Variants in CAPN1 observed in about 807,000 individuals in gnomAD.
The protein encoded by CAPN1 is calpain 1.
Under a neutral mutation model 105.2 loss-of-function variants are expected in CAPN1, and 77 were observed. That is an observed-to-expected ratio of 0.73 (90% confidence interval 0.61 to 0.88). The LOEUF is 0.88. Ranked by LOEUF, CAPN1 falls within the 40% of genes least tolerant of loss-of-function variation. The probability of loss-of-function intolerance (pLI) is 0.00; values close to 1 mark genes in which losing one functional copy is unlikely to be tolerated. For synonymous variants in CAPN1, 355 were observed against 388.8 expected (o/e 0.91, Z 1.02); for missense variants, 833 against 976.6 (o/e 0.85, Z 1.96).
Position 65,209,474 on chromosome 11 carries a change from A to G in CAPN1, c.1794+87A>G. ...AGAACTGTCCCAGGACAGCACAGAG[A>G]ACAGGACAGAGCCATGCGGAGTGTG... is the stretch of plus-strand genomic sequence containing the variant. On this transcript the variant is annotated intron_variant, in intron 17 of 21. Coordinates refer to ENST00000279247, the MANE Select transcript of CAPN1 (RefSeq NM_005186.4). The surrounding 1 kb of genome is among the most constrained non-coding windows in gnomAD (Gnocchi z 4.1). The G allele has an allele frequency of 1.8e-6, 2 of 1,136,104 alleles. No homozygotes were observed. Among genetic ancestry groups the G allele is most frequent in the Non-Finnish European group, 2.6e-6 (2 of 762,200 alleles). The allele number at this position is 1,136,104 out of a possible 1,614,324, so 70.4% of individuals were successfully genotyped here.
chr11:65,207,554 CAT>C (rs1273984801), intron 14 of CAPN1, among the ~76,000 whole-genome samples: 3 of 152,122 alleles, frequency 2.0e-5, no homozygotes, highest in Admixed American at 2.0e-4. Flanking sequence ...ATTTAGGTCA[CAT>C]GAGTGCTGGA....
chr11:65,204,756 C>T lies in CAPN1; in HGVS notation c.1239C>T (p.Arg413=), dbSNP rs374080680. ...ETDDPDDYGD[R]ESGCSFVLAL... is the part of the protein sequence containing the mutation. The stretch of plus-strand genomic sequence containing the variant: ...ATGACCCGGACGACTACGGGGACCG[C>T]GAGTCAGGCTGCAGCTTCGTGCTCG... Residue 413 remains arginine, a synonymous_variant, in exon 11 of 22, where the codon CGC becomes CGT. Transcript: ENST00000279247. 7 of 1,613,034 alleles carry T rather than the reference C, an allele frequency of 4.3e-6. No homozygotes were observed. Among genetic ancestry groups the T allele is most frequent in the Non-Finnish European group, 5.9e-6 (7 of 1,179,862 alleles).
intron 10 of CAPN1, among the ~76,000 whole-genome samples, chr11:65,192,697 G>A (rs923839604): frequency 2.2e-4 from 33 of 150,708 alleles, no homozygotes; most frequent in African/African-American, 7.6e-4. Context: ...CTGCAACCTC[G>A]AACTCCTGAG....
intron 10 of CAPN1, among the ~76,000 whole-genome samples, chr11:65,190,051 C>T (rs567809642): frequency 1.3e-5 from 2 of 152,188 alleles, no homozygotes; most frequent in Admixed American, 6.5e-5. Flanking sequence ...GGGACCCCCA[C>T]GTCTGCTCCA....
chr11:65,203,225 C>G (rs1948898406), intron 10 of CAPN1: 1 of 150,920 alleles, frequency 6.6e-6, no homozygotes, highest in Non-Finnish European at 1.5e-5. Flanking sequence ...GAATCTTGCT[C>G]TCTTGCCCAG....
At chr11:65,195,100 G>GGTTTTTTTTTTTTTTTTTTTTTTTTTTT (rs1565403828) in intron 10 of CAPN1, among the ~76,000 whole-genome samples, 3 of 90,906 alleles carry the variant, frequency 3.3e-5, no homozygotes, top group Admixed American at 1.4e-4. Context: ...GTTTTTTGGG[G>GGTTTTTTTTTTTTTTTTTTTTTTTTTTT]TTTTTTTTTT....
intron 10 of CAPN1, among the ~76,000 whole-genome samples, chr11:65,199,456 G>A (rs1011063170): frequency 6.6e-5 from 10 of 152,070 alleles, no homozygotes; most frequent in African/African-American, 2.4e-4. Flanking sequence ...GAACTTCCTG[G>A]CTATGAATTG....
rs183230953 is a variant in CAPN1 at position 65,202,032 on chromosome 11, C to T, written c.1166-2651C>T. On this transcript the variant is annotated intron_variant, in intron 10 of 21. Coordinates refer to ENST00000279247, the MANE Select transcript of CAPN1 (RefSeq NM_005186.4). ...TAGAGAATGGGTTTTACCATGTTGG[C>T]CAGGCTGGTCTCAAACTCCTGACCT... Among the ~76,000 whole-genome samples, 324 of 151,380 alleles carry T rather than the reference C, an allele frequency of 2.1e-3. 1 individual carries two copies. Among genetic ancestry groups the T allele is most frequent in the African/African-American group, 7.0e-3 (288 of 41,182 alleles).
Position 65,209,278 on chromosome 11 carries a change from A to G in CAPN1, c.1730-45A>G. 2 of 1,541,902 alleles carry G rather than the reference A, an allele frequency of 1.3e-6. No homozygotes were observed. The highest frequency in any genetic ancestry group is 1.8e-6 in the Non-Finnish European group (2 of 1,120,226). Reference sequence around the variant, plus strand: ...CAGTGCTCCCAGCAGGGGCAGGTGCAGGAAGCTCACTAGGTGGAGATGTTG... The same window carrying G: ...CAGTGCTCCCAGCAGGGGCAGGTGCGGGAAGCTCACTAGGTGGAGATGTTG... On this transcript the variant is annotated intron_variant, in intron 16 of 21. Transcript: ENST00000279247. The surrounding 1 kb of genome is among the most constrained non-coding windows in gnomAD (Gnocchi z 4.1).
rs568764806 is a variant in CAPN1 at position 65,211,272 on chromosome 11, A to T, written c.2131A>T (p.Thr711Ser). ...TGTTCTCCCGCAGTGGTTGCAGCTG[A>T]CCATGTTTGCATGAGGCAGGGACTC... The part of the protein sequence containing the change: ...TFDLFKWLQL[T>S]MFA The change falls in exon 22 of 22, where the codon ACC (threonine) becomes TCC (serine). Residue 711 changes from threonine (T) to serine (S), a missense_variant. Thr to Ser is a moderately conservative substitution (Grantham distance 58). Transcript: ENST00000279247. The T allele has an allele frequency of 6.2e-7, 1 of 1,612,726 alleles. No homozygotes were observed. Among genetic ancestry groups the T allele is most frequent in the East Asian group, 2.2e-5 (1 of 44,880 alleles).
rs1219190929 is a variant in CAPN1 at position 65,209,801 on chromosome 11, C to G, written c.1795-48C>G. On this transcript the variant is annotated intron_variant, in intron 17 of 21. Coordinates refer to ENST00000279247, the MANE Select transcript of CAPN1 (RefSeq NM_005186.4). The surrounding 1 kb of genome is among the most constrained non-coding windows in gnomAD (Gnocchi z 4.1). ...CCCCTTCTGCACAGTTGCCCACTCT[C>G]CCATGACTGGTCTAAGTGATGGAAT... 1 of 1,584,918 alleles carries G rather than the reference C, an allele frequency of 6.3e-7. No individual in the cohort carries two copies. Among genetic ancestry groups the G allele is most frequent in the South Asian group, 1.1e-5 (1 of 89,112 alleles).
chr11:65,184,344 C>T (rs1158150017), intron 4 of CAPN1, among the ~76,000 whole-genome samples: 1 of 152,182 alleles, frequency 6.6e-6, no homozygotes, highest in Non-Finnish European at 1.5e-5. Flanking sequence ...CCCACCTGCT[C>T]CAGTCTGCAG....
At chr11:65,190,906 T>C (rs1948711366) in intron 10 of CAPN1, among the ~76,000 whole-genome samples, 1 of 152,016 alleles carries the variant, frequency 6.6e-6, no homozygotes, top group Admixed American at 6.6e-5. Flanking sequence ...AGAGACGGGG[T>C]TTCACCATGT....
Position 65,188,781 on chromosome 11 carries a change from C to G in CAPN1, c.1165+35C>G. On this transcript the variant is annotated intron_variant, in intron 10 of 21. Transcript: ENST00000279247. This position sits in a 1 kb window ranked among gnomAD's most constrained non-coding sequence, Gnocchi z 5.5. The stretch of plus-strand genomic sequence containing the variant: ...GGCGGGCTCTGGGTCTTGCTGCTTC[C>G]TGGCTTAGGGGCTCCAGAAGGCACG... The G allele has an allele frequency of 6.5e-7, 1 of 1,536,670 alleles. No individual in the cohort carries two copies. The highest frequency in any genetic ancestry group is 1.2e-5 in the South Asian group (1 of 83,668).
chr11:65,211,482 G>A lies in CAPN1; in HGVS notation c.*196G>A. The A allele has an allele frequency of 3.3e-6, 2 of 606,856 alleles. No individual in the cohort carries two copies. Among genetic ancestry groups the A allele is most frequent in the South Asian group, 1.9e-5 (1 of 52,090 alleles). 37.6% of individuals were successfully genotyped at this position (606,856 alleles called of 1,614,324 possible). A position where few individuals can be genotyped will look rare whatever the true frequency, so the allele number is the denominator to read the frequency against. On this transcript the variant is annotated 3_prime_UTR_variant, in exon 22 of 22. Coordinates refer to ENST00000279247, the MANE Select transcript of CAPN1 (RefSeq NM_005186.4). Reference sequence around the variant, plus strand: ...GGGCAGAACTGTGTGGCCCCTGCCTGTGCCAGCCATGGGCTCGGGATGGAC... The same window carrying A: ...GGGCAGAACTGTGTGGCCCCTGCCTATGCCAGCCATGGGCTCGGGATGGAC...
chr11:65,182,967 C>T lies in CAPN1; in HGVS notation c.266C>T (p.Thr89Met), dbSNP rs769869270. 9 of 1,613,166 alleles carry T rather than the reference C, an allele frequency of 5.6e-6. No homozygotes were observed. Among genetic ancestry groups the T allele is most frequent in the African/African-American group, 4.0e-5 (3 of 74,892 alleles). The change falls in exon 2 of 22, where the codon ACG becomes ATG. Residue 89 changes from threonine to methionine, a missense_variant and splice_region_variant. Transcript: ENST00000279247. ...TATGGCATCAAGTGGAAGCGTCCCACGGTGAGAGGGGCCATCCTGGGTGGG... is the reference window on the plus strand; with the variant it reads ...TATGGCATCAAGTGGAAGCGTCCCATGGTGAGAGGGGCCATCCTGGGTGGG... ...KTYGIKWKRP[T>M]ELLSNPQFIV...
Position 65,210,740 on chromosome 11 carries a change from G to T in CAPN1, c.2060-74G>T. 1 of 1,216,736 alleles carries T rather than the reference G, an allele frequency of 8.2e-7. No homozygotes were observed. Among genetic ancestry groups the T allele is most frequent in the Non-Finnish European group, 1.2e-6 (1 of 818,004 alleles). The allele number at this position is 1,216,736 out of a possible 1,614,324, so 75.4% of individuals were successfully genotyped here. ...GAGGTAGAGAGGGACCAGGCAGGAA[G>T]GGGGCCAGGCCTGGCCCTGCGTGAA... On this transcript the variant is annotated intron_variant, in intron 20 of 21. Transcript: ENST00000279247. The surrounding 1 kb of genome is among the most constrained non-coding windows in gnomAD (Gnocchi z 4.3).
chr11:65,182,995 T>C lies in CAPN1; in HGVS notation c.267+27T>C, dbSNP rs766360573. The stretch of plus-strand genomic sequence containing the variant: ...TGAGAGGGGCCATCCTGGGTGGGAC[T>C]CGGCTAAGCCAGATCCTGGATGAGG... On this transcript the variant is annotated intron_variant, in intron 2 of 21. Transcript: ENST00000279247. 10 of 1,612,572 alleles carry C rather than the reference T, an allele frequency of 6.2e-6. No homozygotes were observed. In the South Asian group the frequency reaches 6.6e-5, roughly 11 times the overall value.
intron 2 of CAPN1, 35 bp from the exon 3 acceptor site, chr11:65,183,093 G>T (rs1484311529): frequency 6.2e-7 from 1 of 1,612,542 alleles, no homozygotes; most frequent in Non-Finnish European, 8.5e-7. Flanking sequence ...TCTGGGAGGG[G>T]CTGGCCGAGG....
Sources: gnomAD v4.1 joint callset for allele counts (sites outside exome capture counted in the v4.1 genomes callset) on GRCh38, gnomAD v4.1.1 for gene constraint, Gnocchi (gnomAD v3.1) non-coding constraint, MANE v1.5 for transcripts, NCBI Gene and HGNC (gene_info 2026-07-23, HGNC 2026-07-21) for gene names.